The following NEO1 variants were observed in gnomAD, a reference collection of about 807,000 sequenced individuals.
NEO1 encodes the protein neogenin 1.
A neutral mutation model predicts 159.7 loss-of-function variants in NEO1; 63 were observed. That is an observed-to-expected ratio of 0.39 (90% confidence interval 0.32 to 0.49). The LOEUF (loss-of-function observed/expected upper bound fraction) is 0.49. NEO1 is among the 20% of genes least tolerant of loss of function. NEO1 has a pLI of 0.85. For synonymous variants in NEO1, 633 were observed against 662.0 expected, an observed-to-expected ratio of 0.96 and a Z score of 0.67; for missense variants, 1,615 against 1,831.0, an observed-to-expected ratio of 0.88 and a Z score of 2.15.
chr15:73,250,334 G>C (rs936462555), intron 11 of NEO1, among the ~76,000 whole-genome samples: 2 of 152,112 alleles, frequency 1.3e-5, no homozygotes, highest in African/African-American at 4.8e-5. Flanking sequence ...ATTGCACTTA[G>C]TAAGGGTATA....
rs144461647 is a variant in NEO1 at position 73,058,229 on chromosome 15, T to G, written c.130+5424T>G. On this transcript the variant is annotated intron_variant, in intron 1 of 28. Coordinates refer to ENST00000261908, the MANE Select transcript of NEO1 (RefSeq NM_002499.4). Reference sequence around the variant, plus strand: ...AGTAGTTACAGAACACTCCCTGACTTCCAGGCATTGTGCCATGCTCTTTCA... The same window carrying G: ...AGTAGTTACAGAACACTCCCTGACTGCCAGGCATTGTGCCATGCTCTTTCA... Among the ~76,000 whole-genome samples the G allele has an allele frequency of 7.0e-3, 1,062 of 152,296 alleles. 13 individuals carry two copies. Among genetic ancestry groups the G allele is most frequent in the African/African-American group, 0.024 (1,012 of 41,572 alleles).
At chr15:73,171,754 G>C (rs2034987854) in intron 5 of NEO1, among the ~76,000 whole-genome samples, 1 of 151,610 alleles carries the variant, frequency 6.6e-6, no homozygotes, top group African/African-American at 2.4e-5. Flanking sequence ...CGATTCTCCG[G>C]TCTCAGCCTC....
chr15:73,242,990 A>G (rs1311183471), intron 8 of NEO1, among the ~76,000 whole-genome samples: 1 of 152,210 alleles, frequency 6.6e-6, no homozygotes, highest in Non-Finnish European at 1.5e-5. Context: ...TGATCAGACC[A>G]AGTGTCAGAA....
chr15:73,232,638 T>C (rs971634516), intron 7 of NEO1, among the ~76,000 whole-genome samples: 15 of 152,132 alleles, frequency 9.9e-5, no homozygotes, highest in African/African-American at 3.4e-4. Flanking sequence ...CAACCTAGGA[T>C]ATGTGCAGAG....
intron 1 of NEO1, among the ~76,000 whole-genome samples, chr15:73,056,560 C>A (rs1382814364): frequency 1.3e-5 from 2 of 152,114 alleles, no homozygotes; most frequent in East Asian, 3.9e-4. Flanking sequence ...TGTTGAATTG[C>A]CTTTGTTTTT....
chr15:73,143,772 C>T (rs562251581), intron 5 of NEO1, among the ~76,000 whole-genome samples: 8 of 152,248 alleles, frequency 5.3e-5, no homozygotes, highest in African/African-American at 1.9e-4. Flanking sequence ...CCCTTACTTC[C>T]AACTACAATT....
At chr15:73,300,653 C>T (rs2042577821) in intron 27 of NEO1, among the ~76,000 whole-genome samples, 1 of 152,160 alleles carries the variant, frequency 6.6e-6, no homozygotes, top group Non-Finnish European at 1.5e-5. Flanking sequence ...ATCACTTGAA[C>T]CCGGGAGGTG....
chr15:73,105,493 T>A (rs888029824), intron 1 of NEO1, among the ~76,000 whole-genome samples: 1 of 152,202 alleles, frequency 6.6e-6, no homozygotes, highest in Non-Finnish European at 1.5e-5. Flanking sequence ...CTAAGAAAAT[T>A]AAAATTAACT....
At position 73,282,914 on chromosome 15, in the gene NEO1, A is replaced by G. The variant is rs749961656; in HGVS notation, c.3263-50A>G. On this transcript the variant is annotated intron_variant, in intron 22 of 28. Coordinates refer to ENST00000261908, the MANE Select transcript of NEO1 (RefSeq NM_002499.4). The stretch of plus-strand genomic sequence containing the variant: ...ATGGTTCTGTAGCTTGATAGTATGC[A>G]TGTTTTAAATTCTCTAACCCTAACA... The G allele has an allele frequency of 6.3e-6, 10 of 1,584,838 alleles. No individual in the cohort carries two copies. The East Asian group carries it at 1.3e-4, about 21-fold the overall frequency.
chr15:73,145,824 A>G (rs1175671877), intron 5 of NEO1, among the ~76,000 whole-genome samples: 1 of 152,142 alleles, frequency 6.6e-6, no homozygotes, highest in Non-Finnish European at 1.5e-5. Context: ...TGTAATTTTC[A>G]GAATACTGGA....
At chr15:73,090,870 G>A (rs2069650464) in intron 1 of NEO1, among the ~76,000 whole-genome samples, 1 of 152,104 alleles carries the variant, frequency 6.6e-6, no homozygotes, top group African/African-American at 2.4e-5. Context: ...ATAGTATCTA[G>A]CATTTTTAGA....
At chr15:73,275,604 G>A (rs2041378677) in intron 21 of NEO1, among the ~76,000 whole-genome samples, 2 of 152,036 alleles carry the variant, frequency 1.3e-5, no homozygotes, top group Admixed American at 6.6e-5. Context: ...GCAGTGAGTC[G>A]TGATCACACC....
chr15:73,122,952 C>T, intron 3 of NEO1, 152 bp downstream of exon 3: 3 of 920,414 alleles, frequency 3.3e-6, no homozygotes, highest in Non-Finnish European at 4.9e-6. Flanking sequence ...GGTGGATCAC[C>T]TGAGTTCCAG....
At chr15:73,183,761 AAAAAG>A (rs991861418) in intron 7 of NEO1, among the ~76,000 whole-genome samples, 7 of 152,134 alleles carry the variant, frequency 4.6e-5, no homozygotes, top group African/African-American at 1.7e-4. Context: ...GAAAGGAAAA[AAAAAG>A]AGAGAGAAAC....
intron 3 of NEO1, among the ~76,000 whole-genome samples, chr15:73,125,320 G>A (rs1246038884): frequency 9.2e-5 from 14 of 152,224 alleles, no homozygotes; most frequent in East Asian, 1.9e-4. Context: ...GGTTGATTAC[G>A]GAGGTGGGAG....
At chr15:73,294,680 C>T (rs1487329313) in intron 26 of NEO1, among the ~76,000 whole-genome samples, 1 of 152,062 alleles carries the variant, frequency 6.6e-6, no homozygotes, top group Non-Finnish European at 1.5e-5. Context: ...GCTGGGATTA[C>T]AGGCACACAC....
intron 7 of NEO1, among the ~76,000 whole-genome samples, chr15:73,191,739 T>A (rs2036247831): frequency 6.6e-6 from 1 of 152,096 alleles, no homozygotes; most frequent in East Asian, 1.9e-4. Context: ...GCATCTGTAA[T>A]GATCTGGTTA....
At chr15:73,111,210 A>C in intron 1 of NEO1, among the ~76,000 whole-genome samples, 1 of 152,206 alleles carries the variant, frequency 6.6e-6, no homozygotes, top group East Asian at 1.9e-4. Context: ...ATATGGGCAC[A>C]CAAGCATCTG....
At chr15:73,165,423 T>C (rs947220079) in intron 5 of NEO1, among the ~76,000 whole-genome samples, 1 of 152,146 alleles carries the variant, frequency 6.6e-6, no homozygotes, top group Admixed American at 6.5e-5. Flanking sequence ...AAGCAAACAA[T>C]ACTGTCAGTT....
Sources: gnomAD v4.1 joint callset for allele counts (sites outside exome capture counted in the v4.1 genomes callset) on GRCh38, gnomAD v4.1.1 for gene constraint, MANE v1.5 for transcripts, NCBI Gene and HGNC (gene_info 2026-07-23, HGNC 2026-07-21) for gene names.